PRTG: variants seen among roughly 807,000 people sequenced by gnomAD.
PRTG encodes the protein protogenin, also known as immunoglobulin superfamily, DCC subclass, member 5.
In PRTG, 67 loss-of-function variants were observed where a neutral mutation model predicts 122.5. The observed-to-expected ratio is 0.55, with a 90% CI of 0.45 to 0.67. The LOEUF (loss-of-function observed/expected upper bound fraction) is 0.67. Ranked by LOEUF, PRTG falls within the 30% of genes least tolerant of loss-of-function variation. The pLI is 0.00. For missense variants in PRTG, 1,435 were observed against 1,415.4 expected (o/e 1.01, Z -0.22); for synonymous variants, 554 against 501.1 (o/e 1.11, Z -1.41).
intron 11 of PRTG, 54 bp downstream of exon 11, chr15:55,672,391 G>T: frequency 7.1e-7 from 1 of 1,409,668 alleles, no homozygotes; most frequent in Non-Finnish European, 9.7e-7. Context: ...AACTTTTTTC[G>T]CAGTTTGTCA....
At chr15:55,639,228 C>T (rs1330774920) in intron 13 of PRTG, among the ~76,000 whole-genome samples, 1 of 152,010 alleles carries the variant, frequency 6.6e-6, no homozygotes, top group African/African-American at 2.4e-5. Context: ...ACCACCTCAG[C>T]CCCCCCAAAA....
At position 55,611,949 on chromosome 15, in the gene PRTG, A is replaced by T. The variant is rs994495515; in HGVS notation, c.*8063T>A. ...TGGTATACGGAGTGAAAGGATCCAG[A>T]ACACCCATAATACAAAATAATTTAA... On this transcript the variant is annotated 3_prime_UTR_variant, in exon 20 of 20. Transcript: ENST00000389286. 5.3e-5 allele frequency: 8 copies of T among 152,050 alleles called. No individual in the cohort carries two copies. Among genetic ancestry groups the T allele is most frequent in the Admixed American group, 3.3e-4 (5 of 15,268 alleles). 9.4% of individuals were successfully genotyped at this position (152,050 alleles called of 1,614,324 possible).
chr15:55,652,248 T>A (rs185847209), intron 11 of PRTG, among the ~76,000 whole-genome samples: 12 of 152,088 alleles, frequency 7.9e-5, no homozygotes, highest in Admixed American at 2.6e-4. Flanking sequence ...TATGCTGATA[T>A]AACGTCAGGA....
chr15:55,619,679 G>A lies in PRTG; in HGVS notation c.*333C>T, dbSNP rs925647548. 2.1e-5 allele frequency: 5 copies of A among 241,982 alleles called. No individual in the cohort carries two copies. Among genetic ancestry groups the A allele is most frequent in the Admixed American group, 1.0e-4 (2 of 19,774 alleles). The allele number at this position is 241,982 out of a possible 1,614,324, so 15.0% of individuals were successfully genotyped here. The stretch of plus-strand genomic sequence containing the variant: ...TATAATCCAGTCAAACATCTCGACC[G>A]TTCTTTCACATTGCTGACAATGAAA... On this transcript the variant is annotated 3_prime_UTR_variant, in exon 20 of 20. Transcript: ENST00000389286.
At chr15:55,689,360 A>G (rs921482719) in intron 2 of PRTG, among the ~76,000 whole-genome samples, 1 of 152,230 alleles carries the variant, frequency 6.6e-6, no homozygotes, top group Non-Finnish European at 1.5e-5. Flanking sequence ...AAATGAATGC[A>G]TATCTCCTTG....
chr15:55,676,078 G>C (rs1405467381), intron 8 of PRTG, among the ~76,000 whole-genome samples: 1 of 152,018 alleles, frequency 6.6e-6, no homozygotes, highest in Non-Finnish European at 1.5e-5. Flanking sequence ...TAAATGGAGA[G>C]ACAGTAGGGA....
At chr15:55,716,569 G>A (rs553686897) in intron 2 of PRTG, among the ~76,000 whole-genome samples, 3 of 152,126 alleles carry the variant, frequency 2.0e-5, no homozygotes, top group Non-Finnish European at 4.4e-5. Context: ...GTCAAGTGCT[G>A]GGAGGATCCA....
At chr15:55,632,104 T>A (rs2059230909) in intron 15 of PRTG, among the ~76,000 whole-genome samples, 2 of 152,180 alleles carry the variant, frequency 1.3e-5, no homozygotes, top group African/African-American at 2.4e-5. Context: ...ACTAGATATA[T>A]CTATAGTCCA....
At chr15:55,681,855 A>C (rs909833965) in intron 4 of PRTG, among the ~76,000 whole-genome samples, 8 of 152,302 alleles carry the variant, frequency 5.3e-5, no homozygotes, top group Admixed American at 4.6e-4. Context: ...ACGAAAGTGA[A>C]ATATAGCCAG....
chr15:55,700,568 A>G (rs1408335079), intron 2 of PRTG, among the ~76,000 whole-genome samples: 1 of 151,938 alleles, frequency 6.6e-6, no homozygotes. Context: ...GATCACTTGA[A>G]CCTAAGAGTT....
At chr15:55,686,769 C>G (rs918401043) in intron 2 of PRTG, among the ~76,000 whole-genome samples, 1 of 152,202 alleles carries the variant, frequency 6.6e-6, no homozygotes, top group Non-Finnish European at 1.5e-5. Context: ...TTATAATTCA[C>G]GAAATACACC....
intron 2 of PRTG, among the ~76,000 whole-genome samples, chr15:55,697,447 A>C (rs1333026674): frequency 6.6e-6 from 1 of 152,140 alleles, no homozygotes; most frequent in Non-Finnish European, 1.5e-5. Context: ...TCTCCCTCAG[A>C]AGAGTAACAG....
chr15:55,673,298 C>A, intron 10 of PRTG, 73 bp downstream of exon 10: 1 of 845,166 alleles, frequency 1.2e-6, no homozygotes, highest in South Asian at 2.1e-5. Flanking sequence ...AAAATATAAA[C>A]ATAATTTAGA....
At chr15:55,654,713 A>AT (rs1373755946) in intron 11 of PRTG, among the ~76,000 whole-genome samples, 1 of 152,192 alleles carries the variant, frequency 6.6e-6, no homozygotes, top group Non-Finnish European at 1.5e-5. Context: ...TACAAACAAT[A>AT]TTTTTATAGA....
chr15:55,628,707 T>G, intron 16 of PRTG, 115 bp downstream of exon 16: 3 of 796,128 alleles, frequency 3.8e-6, no homozygotes, highest in Middle Eastern at 3.5e-4. Context: ...CAGCAACAAC[T>G]TACGGAACTG....
chr15:55,674,245 T>C (rs2059489753), intron 9 of PRTG, among the ~76,000 whole-genome samples: 1 of 152,242 alleles, frequency 6.6e-6, no homozygotes, highest in Non-Finnish European at 1.5e-5. Context: ...AGATGGGTTC[T>C]AGAGTTAGCT....
In PRTG at chr15:55,706,367, G is replaced by T. The variant is rs974990245; in HGVS notation, c.398-22436C>A. 2.0e-5 allele frequency among the ~76,000 whole-genome samples: 3 copies of T among 152,046 alleles called. No homozygotes were observed. In the East Asian group the frequency reaches 5.8e-4, roughly 30 times the overall value. On this transcript the variant is annotated intron_variant, in intron 2 of 19. Transcript: ENST00000389286. The stretch of plus-strand genomic sequence containing the variant: ...TTATCAAGAGTAGTCCAGGCAGAAG[G>T]TGGAACATGGGTAAAGGCACAGAGC...
chr15:55,716,306 AT>A (rs1252178248), intron 2 of PRTG, among the ~76,000 whole-genome samples: 1 of 152,208 alleles, frequency 6.6e-6, no homozygotes, highest in Non-Finnish European at 1.5e-5. Flanking sequence ...TTATATATCA[AT>A]CACAATAATT....
At chr15:55,719,935 G>A (rs1326251114) in intron 2 of PRTG, among the ~76,000 whole-genome samples, 2 of 151,778 alleles carry the variant, frequency 1.3e-5, no homozygotes, top group African/African-American at 4.8e-5. Flanking sequence ...GGTGGTGGGC[G>A]CCTGGTCCCA....
Sources: gnomAD v4.1 joint callset for allele counts (sites outside exome capture counted in the v4.1 genomes callset) on GRCh38, gnomAD v4.1.1 for gene constraint, MANE v1.5 for transcripts, NCBI Gene and HGNC (gene_info 2026-07-23, HGNC 2026-07-21) for gene names.